The following DTX3L variants were observed in gnomAD, a reference collection of about 807,000 sequenced individuals.
DTX3L encodes deltex E3 ubiquitin ligase 3L.
DTX3L carries 34 observed loss-of-function variants against 60.9 expected under a neutral mutation model. The ratio of observed to expected loss-of-function variants is 0.56; its 90% CI spans 0.42 to 0.74. The LOEUF (loss-of-function observed/expected upper bound fraction) is 0.74, where lower values mean the gene tolerates loss of function less well. Ranked by LOEUF, DTX3L falls within the 30% of genes least tolerant of loss-of-function variation. DTX3L has a pLI of 0.00. For synonymous variants in DTX3L, 290 were observed against 316.6 expected (o/e 0.92, Z 0.89); for missense variants, 810 against 874.0 (o/e 0.93, Z 0.92).
intron 1 of DTX3L, among the ~76,000 whole-genome samples, 171 bp downstream of exon 1, chr3:122,564,784 C>T (rs2080527674): frequency 6.6e-6 from 1 of 152,174 alleles, no homozygotes; most frequent in Non-Finnish European, 1.5e-5. Context: ...AGACAGTGAA[C>T]ACTCGGTGGA....
In DTX3L at chr3:122,569,421, C is replaced by T; in HGVS notation, c.1332C>T (p.Ala444=). The T allele has an allele frequency of 6.2e-7, 1 of 1,614,100 alleles. No homozygotes were observed. Residue 444 remains alanine, a synonymous_variant, in exon 3 of 5, where the codon GCC becomes GCT. Transcript: ENST00000296161. ...GTTTCATCGATGCCTTTCAACATGC[C>T]TCATGTCAGTTGATGAGAGAAGTTC... The part of the protein sequence containing the change: ...YASFIDAFQH[A]SCQLMREVLL...
At chr3:122,571,554 C>A in intron 4 of DTX3L, 124 bp from the exon 5 acceptor site, 2 of 709,652 alleles carry the variant, frequency 2.8e-6, no homozygotes, top group Non-Finnish European at 2.3e-6. Flanking sequence ...ATACGTCATC[C>A]ACCTTCAGGA....
At position 122,566,050 on chromosome 3, in the gene DTX3L, G is replaced by A; in HGVS notation, c.379G>A (p.Val127Met). 1 of 1,614,184 alleles carries A rather than the reference G, an allele frequency of 6.2e-7. No homozygotes were observed. The highest frequency in any genetic ancestry group is 2.2e-5 in the East Asian group (1 of 44,880). Residue 127 changes from valine (V) to methionine (M), a missense_variant, in exon 2 of 5, where the codon GTG (valine) becomes ATG (methionine). Val to Met is a conservative substitution (Grantham distance 21, BLOSUM62 1). Coordinates refer to ENST00000296161, the MANE Select transcript of DTX3L (RefSeq NM_138287.3). The stretch of plus-strand genomic sequence containing the variant: ...ACATGAAGGACATATTCCTAATGCT[G>A]TGGATTCCTGTCTCCAAAAGGTGAG... ...HQHEGHIPNAVDSCLQKIFLT... is the reference protein window; with the variant it reads ...HQHEGHIPNAMDSCLQKIFLT...
At chr3:122,568,138 C>T (rs921346797) in intron 2 of DTX3L, among the ~76,000 whole-genome samples, 1 of 152,046 alleles carries the variant, frequency 6.6e-6, no homozygotes, top group African/African-American at 2.4e-5. Context: ...GGAGAAACCT[C>T]GTCTCTACTA....
chr3:122,568,086 G>C (rs2080603649), intron 2 of DTX3L, among the ~76,000 whole-genome samples: 1 of 152,178 alleles, frequency 6.6e-6, no homozygotes, highest in Non-Finnish European at 1.5e-5. Context: ...GAGGTGGGTG[G>C]ATCACCTGAG....
chr3:122,564,489 A>G lies in DTX3L; in HGVS notation c.63A>G (p.Arg21=). The stretch of plus-strand genomic sequence containing the variant: ...TGCGGGTGTACAAGTCCGGCCCCCG[A>G]GTACGAAGGAAGCTGGAGAGCTACT... The part of the protein sequence containing the change: ...LLVRVYKSGP[R]VRRKLESYFQ... Residue 21 remains arginine (R), a synonymous_variant, in exon 1 of 5, where the codon CGA becomes CGG. Coordinates refer to ENST00000296161, the MANE Select transcript of DTX3L (RefSeq NM_138287.3). 1.2e-6 allele frequency: 2 copies of G among 1,612,750 alleles called. No individual in the cohort carries two copies. Among genetic ancestry groups the G allele is most frequent in the Non-Finnish European group, 1.7e-6 (2 of 1,179,402 alleles).
At position 122,568,872 on chromosome 3, in the gene DTX3L, T is replaced by C; in HGVS notation, c.783T>C (p.Phe261=). 1 of 1,613,936 alleles carries C rather than the reference T, an allele frequency of 6.2e-7. No homozygotes were observed. The highest frequency in any genetic ancestry group is 8.5e-7 in the Non-Finnish European group (1 of 1,180,004). Residue 261 remains phenylalanine (F), a synonymous_variant, in exon 3 of 5, where the codon TTT becomes TTC. Coordinates refer to ENST00000296161, the MANE Select transcript of DTX3L (RefSeq NM_138287.3). ...PDKINSIEKR[F]GVNIEIQESS... ...AAATCAACTCAATAGAGAAAAGATT[T>C]GGTGTAAACATTGAAATCCAGGAGA...
intron 2 of DTX3L, among the ~76,000 whole-genome samples, chr3:122,566,828 C>T (rs532249706): frequency 5.3e-5 from 8 of 152,248 alleles, no homozygotes; most frequent in East Asian, 1.9e-4. Flanking sequence ...ATGGCAGACT[C>T]GGCTTCCAGG....
Position 122,570,035 on chromosome 3 carries a change from C to T in DTX3L, c.1935+11C>T. On this transcript the variant is annotated intron_variant, in intron 3 of 4. Coordinates refer to ENST00000296161, the MANE Select transcript of DTX3L (RefSeq NM_138287.3). ...GCAGGCATACAAACAGTAAGTATTTCTCAAGTCCATGGGTTTCTTGCCACT... is the reference window on the plus strand; with the variant it reads ...GCAGGCATACAAACAGTAAGTATTTTTCAAGTCCATGGGTTTCTTGCCACT... 6.2e-7 allele frequency: 1 copy of T among 1,612,598 alleles called. No individual in the cohort carries two copies. The highest frequency in any genetic ancestry group is 8.5e-7 in the Non-Finnish European group (1 of 1,179,660).
At chr3:122,570,897 A>C (rs1406321758) in intron 4 of DTX3L, among the ~76,000 whole-genome samples, 1 of 152,188 alleles carries the variant, frequency 6.6e-6, no homozygotes, top group African/African-American at 2.4e-5. Context: ...GCACCAAAGG[A>C]CAGGGGGCTT....
At chr3:122,566,135 T>G in intron 2 of DTX3L, 65 bp downstream of exon 2, 1 of 1,449,622 alleles carries the variant, frequency 6.9e-7, no homozygotes, top group Non-Finnish European at 9.6e-7. Context: ...CCTCATGTAT[T>G]ATTGATCCAA....
chr3:122,565,935 C>A lies in DTX3L; in HGVS notation c.264C>A (p.Pro88=). Residue 88 remains proline (P), a synonymous_variant, in exon 2 of 5, where the codon CCC becomes CCA. Transcript: ENST00000296161. ...AACCTGTGCCCATTTTCCTGGTACC[C>A]ACTGAAAATTCAATAAAGAAGAACA... ...DEKPVPIFLV[P]TENSIKKNTR... 1.2e-6 allele frequency: 2 copies of A among 1,614,124 alleles called. No individual in the cohort carries two copies. The highest frequency in any genetic ancestry group is 1.7e-6 in the Non-Finnish European group (2 of 1,180,028).
rs552729262 is a variant in DTX3L, at chr3:122,564,622, C to G, written c.187+9C>G. The G allele has an allele frequency of 6.3e-7, 1 of 1,577,896 alleles. No homozygotes were observed. The highest frequency in any genetic ancestry group is 2.4e-5 in the East Asian group (1 of 41,948). On this transcript the variant is annotated intron_variant, in intron 1 of 4. Coordinates refer to ENST00000296161, the MANE Select transcript of DTX3L (RefSeq NM_138287.3). ...GTTCAGTGAAAGGGCAGGTGAGCTT[C>G]GGGCGGCCAGGCTGCGAAAGCCCTC...
rs2080647423 is a variant in DTX3L at position 122,571,769 on chromosome 3, T to C, written c.*22T>C. The C allele has an allele frequency of 6.3e-7, 1 of 1,593,186 alleles. No homozygotes were observed. Among genetic ancestry groups the C allele is most frequent in the Non-Finnish European group, 8.6e-7 (1 of 1,167,290 alleles). On this transcript the variant is annotated 3_prime_UTR_variant, in exon 5 of 5. Coordinates refer to ENST00000296161, the MANE Select transcript of DTX3L (RefSeq NM_138287.3). ...GTAAGACAACTGCTGGAAGATGTCT[T>C]AAATCAAGCTTTCAAAAAAATATAT...
In DTX3L at chr3:122,570,016, A is replaced by T. The variant is rs2080633618; in HGVS notation, c.1927A>T (p.Ile643Leu). 6.2e-7 allele frequency: 1 copy of T among 1,613,726 alleles called. No homozygotes were observed. Among genetic ancestry groups the T allele is most frequent in the African/African-American group, 1.3e-5 (1 of 74,942 alleles). ...GATTACTTATTCTATGAAAGCAGGCATACAAACAGTAAGTATTTCTCAAGT... is the reference window on the plus strand; with the variant it reads ...GATTACTTATTCTATGAAAGCAGGCTTACAAACAGTAAGTATTTCTCAAGT... Reference protein sequence around the residue: ...IVITYSMKAGIQTEEHPNPGK... With the variant: ...IVITYSMKAGLQTEEHPNPGK... The change falls in exon 3 of 5, where the codon ATA becomes TTA. Residue 643 changes from isoleucine to leucine, a missense_variant. Transcript: ENST00000296161.
At chr3:122,567,367 G>A (rs1282510117) in intron 2 of DTX3L, among the ~76,000 whole-genome samples, 1 of 152,158 alleles carries the variant, frequency 6.6e-6, no homozygotes, top group Admixed American at 6.5e-5. Flanking sequence ...GTTGCAGTGC[G>A]CCAGGTGAAA....
intron 4 of DTX3L, 106 bp from the exon 5 acceptor site, chr3:122,571,572 T>C: frequency 2.4e-6 from 2 of 848,022 alleles, no homozygotes; most frequent in East Asian, 5.2e-5. Flanking sequence ...GGATTACTTG[T>C]GAATGTTTGC....
chr3:122,573,523 A>T lies in DTX3L; in HGVS notation c.*1776A>T, dbSNP rs2080662164. The T allele has an allele frequency of 6.6e-6, 1 of 152,310 alleles. No homozygotes were observed. The highest frequency in any genetic ancestry group is 1.5e-5 in the Non-Finnish European group (1 of 68,042). 9.4% of individuals were successfully genotyped at this position (152,310 alleles called of 1,614,324 possible). A position where few individuals can be genotyped will look rare whatever the true frequency, so the allele number is the denominator to read the frequency against. On this transcript the variant is annotated 3_prime_UTR_variant, in exon 5 of 5. Transcript: ENST00000296161. ...CCTTACTATATTGCCCTGTCTCTCA[A>T]GGGAAGACATCAAGACTGGACTTGA...
Position 122,567,046 on chromosome 3 carries a change from C to G in DTX3L, c.399+976C>G, listed in dbSNP as rs568785152. On this transcript the variant is annotated intron_variant, in intron 2 of 4. Transcript: ENST00000296161. The stretch of plus-strand genomic sequence containing the variant: ...GGGCGGAAAGTGTCCTAGAGGGAAG[C>G]ATAGGTGCAAAGTCCCCAAGAGCTG... Among the ~76,000 whole-genome samples, 6 of 152,204 alleles carry G rather than the reference C, an allele frequency of 3.9e-5. No homozygotes were observed. In the South Asian group the frequency reaches 1.2e-3, roughly 32 times the overall value.
Sources: allele counts gnomAD v4.1 joint callset (sites outside exome capture counted in the v4.1 genomes callset), GRCh38; gene constraint gnomAD v4.1.1; transcripts MANE v1.5; gene names NCBI Gene and HGNC (gene_info 2026-07-23, HGNC 2026-07-21).